Variants in LRRC37A2 observed in about 807,000 individuals in gnomAD.
LRRC37A2 encodes leucine rich repeat containing 37 member A2, also known as leucine-rich repeat-containing protein 37A2.
In LRRC37A2, 9 loss-of-function variants were observed where a neutral mutation model predicts 68.8. The ratio of observed to expected loss-of-function variants is 0.13; its 90% CI spans 0.08 to 0.23. LRRC37A2 has a LOEUF of 0.23. Ranked by LOEUF, LRRC37A2 falls within the 10% of genes least tolerant of loss-of-function variation. LRRC37A2 has a pLI of 1.00. For missense variants in LRRC37A2, 168 were observed against 950.4 expected, an observed-to-expected ratio of 0.18 and a Z score of 10.82; for synonymous variants, 63 against 367.6, an observed-to-expected ratio of 0.17 and a Z score of 9.48.
chr17:46,828,682 G>T, the LRRC37A2 span, among the ~76,000 whole-genome samples: 1 of 151,948 alleles, frequency 6.6e-6, no homozygotes, highest in African/African-American at 2.4e-5. Flanking sequence ...CCCAGGTCGG[G>T]CACGGTGGCT....
At chr17:46,928,478 G>A in the LRRC37A2 span, among the ~76,000 whole-genome samples, 2 of 152,148 alleles carry the variant, frequency 1.3e-5, no homozygotes, top group Non-Finnish European at 2.9e-5. Flanking sequence ...AGTGGATGGT[G>A]GGGCCAGCAT....
At chr17:46,812,918 G>A in the LRRC37A2 span, among the ~76,000 whole-genome samples, 2 of 152,154 alleles carry the variant, frequency 1.3e-5, no homozygotes, top group Admixed American at 6.6e-5. Flanking sequence ...TGAAATAGAG[G>A]CAATCATTAC....
At chr17:46,965,822 G>T in the LRRC37A2 span, among the ~76,000 whole-genome samples, 3 of 151,292 alleles carry the variant, frequency 2.0e-5, no homozygotes, top group Non-Finnish European at 4.4e-5. Flanking sequence ...GTAGAGGCGG[G>T]GTCTCATTAT....
chr17:46,832,404 G>A, the LRRC37A2 span, among the ~76,000 whole-genome samples: 1 of 140,686 alleles, frequency 7.1e-6, no homozygotes. Context: ...AAAGAGAGAG[G>A]GGGGTGGTGG....
At chr17:46,773,994 G>A in the LRRC37A2 span, 71 of 1,538,040 alleles carry the variant, frequency 4.6e-5, no homozygotes, top group African/African-American at 2.0e-4. Context: ...TGAACCCTCC[G>A]GGGTAGGTGG....
the LRRC37A2 span, among the ~76,000 whole-genome samples, chr17:46,837,975 C>T: frequency 2.6e-5 from 4 of 152,140 alleles, no homozygotes; most frequent in Admixed American, 2.0e-4. Context: ...GCGTTTTCCA[C>T]GTGTACATCA....
chr17:47,048,572 G>A, the LRRC37A2 span, among the ~76,000 whole-genome samples: 3,737 of 105,876 alleles, frequency 0.035, 205 homozygotes, highest in African/African-American at 0.12. Flanking sequence ...TAAGAACTAG[G>A]GTGGACACAG....
chr17:47,018,289 C>T, the LRRC37A2 span: 1 of 1,611,510 alleles, frequency 6.2e-7, no homozygotes, highest in Non-Finnish European at 8.5e-7. Context: ...CCAGTTCAGC[C>T]TTCTGAGTCT....
the LRRC37A2 span, among the ~76,000 whole-genome samples, chr17:46,797,879 A>G: frequency 2.6e-5 from 4 of 152,236 alleles, no homozygotes; most frequent in African/African-American, 9.6e-5. Context: ...AATGCTAAAA[A>G]TAGGCAAAAT....
At chr17:46,771,681 G>T in the LRRC37A2 span, among the ~76,000 whole-genome samples, 1 of 143,478 alleles carries the variant, frequency 7.0e-6, no homozygotes, top group Non-Finnish European at 1.5e-5. Context: ...GCGTAGCAAC[G>T]GGCGGCTCCC....
At chr17:46,741,953 A>C in the LRRC37A2 span, among the ~76,000 whole-genome samples, 1 of 152,096 alleles carries the variant, frequency 6.6e-6, no homozygotes, top group African/African-American at 2.4e-5. Flanking sequence ...ACAGCATTTC[A>C]CCGTGTTGGT....
chr17:46,862,025 T>C, the LRRC37A2 span, among the ~76,000 whole-genome samples: 1 of 151,826 alleles, frequency 6.6e-6, no homozygotes, highest in African/African-American at 2.4e-5. Context: ...TAGCTGGGCG[T>C]GGTGACAGCC....
At chr17:46,714,102 A>C in the LRRC37A2 span, 1 of 1,060,660 alleles carries the variant, frequency 9.4e-7, no homozygotes. Context: ...TGTTCTTCTC[A>C]AGTGGAACCA....
chr17:46,599,984 G>T, the LRRC37A2 span, among the ~76,000 whole-genome samples: 5 of 67,374 alleles, frequency 7.4e-5, no homozygotes, highest in Admixed American at 1.6e-4. Flanking sequence ...TAGAGGCTGA[G>T]TCTCACTTGG....
At chr17:46,862,436 C>T in the LRRC37A2 span, among the ~76,000 whole-genome samples, 3 of 151,976 alleles carry the variant, frequency 2.0e-5, no homozygotes, top group African/African-American at 7.2e-5. Context: ...GGCTTGCTAC[C>T]GTATGAGTTC....
chr17:46,714,970 G>A, the LRRC37A2 span, among the ~76,000 whole-genome samples: 4 of 152,072 alleles, frequency 2.6e-5, no homozygotes, highest in African/African-American at 7.2e-5. Flanking sequence ...AGAATTCTTC[G>A]GTGTTTCTTT....
chr17:46,837,407 G>A, the LRRC37A2 span, among the ~76,000 whole-genome samples: 1 of 152,144 alleles, frequency 6.6e-6, no homozygotes, highest in Admixed American at 6.6e-5. Flanking sequence ...GAATATTTGG[G>A]GGACTGGAGG....
the LRRC37A2 span, among the ~76,000 whole-genome samples, chr17:46,841,889 T>C: frequency 2.0e-5 from 3 of 152,234 alleles, no homozygotes; most frequent in Non-Finnish European, 2.9e-5. Flanking sequence ...TGCGCTCCTC[T>C]GCGGTGTGTG....
chr17:46,802,175 T>C, the LRRC37A2 span, among the ~76,000 whole-genome samples: 3 of 152,228 alleles, frequency 2.0e-5, no homozygotes, highest in Non-Finnish European at 4.4e-5. Flanking sequence ...GCTAATGAGC[T>C]GACGGAAGAG....
Sources: gnomAD v4.1 joint callset for allele counts (sites outside exome capture counted in the v4.1 genomes callset) on GRCh38, gnomAD v4.1.1 for gene constraint, MANE v1.5 for transcripts, NCBI Gene and HGNC (gene_info 2026-07-23, HGNC 2026-07-21) for gene names.